Variants in PPP1R14D observed in about 807,000 individuals in gnomAD.
PPP1R14D encodes protein phosphatase 1 regulatory subunit 14D.
A neutral mutation model predicts 17.1 loss-of-function variants in PPP1R14D; 14 were observed. The observed-to-expected ratio is 0.82, with a 90% CI of 0.54 to 1.28. The LOEUF (loss-of-function observed/expected upper bound fraction) is 1.28. PPP1R14D is among the 50% of genes most tolerant of loss of function. The probability of loss-of-function intolerance (pLI) is 0.00; values close to 1 mark genes in which losing one functional copy is unlikely to be tolerated. For synonymous variants in PPP1R14D, 67 were observed against 66.1 expected (o/e 1.01, Z -0.06); for missense variants, 173 against 179.2 (o/e 0.97, Z 0.20).
intron 1 of PPP1R14D, among the ~76,000 whole-genome samples, chr15:40,822,092 A>T (rs1410323006): frequency 6.6e-6 from 1 of 152,172 alleles, no homozygotes; most frequent in Non-Finnish European, 1.5e-5. Flanking sequence ...AGCCTGGGCA[A>T]CATGGCAGAC....
chr15:40,824,620 C>T (rs990686811), intron 1 of PPP1R14D, among the ~76,000 whole-genome samples: 10 of 152,162 alleles, frequency 6.6e-5, no homozygotes, highest in Admixed American at 6.6e-4. Flanking sequence ...TTGCCCCTCT[C>T]AGCCTCCCAA....
At chr15:40,824,024 G>A (rs1465550480) in intron 1 of PPP1R14D, among the ~76,000 whole-genome samples, 2 of 148,698 alleles carry the variant, frequency 1.3e-5, no homozygotes, top group Non-Finnish European at 3.0e-5. Flanking sequence ...GGACTACTAC[G>A]GCAACCTGGT....
chr15:40,828,547 G>A lies in PPP1R14D; in HGVS notation c.95C>T (p.Thr32Ile). The change falls in exon 1 of 4, where the codon ACA (threonine) becomes ATA (isoleucine). Residue 32 changes from threonine to isoleucine, a missense_variant. By Grantham distance (89) the Thr-to-Ile change is moderately conservative (BLOSUM62 -1). Coordinates refer to ENST00000299174, the MANE Select transcript of PPP1R14D (RefSeq NM_017726.8). ...CTTGGACTCTGAGTCTGTGGATGAT[G>A]TCCTTCTCCTCCCAGAAGCCCAGTG... ...KVHWASGRRR[T>I]SSTDSESKSH... 1.2e-5 allele frequency: 19 copies of A among 1,614,228 alleles called. No individual in the cohort carries two copies. Among genetic ancestry groups the A allele is most frequent in the Non-Finnish European group, 1.6e-5 (19 of 1,180,048 alleles).
Position 40,828,585 on chromosome 15 carries a change from T to G in PPP1R14D, c.57A>C (p.Pro19=). ...CTSPSPDGEN[P]CKKVHWASGR... ...CAGAAGCCCAGTGGACCTTCTTACA[T>G]GGGTTCTCCCCATCTGGGCTGGGAG... is the stretch of plus-strand genomic sequence containing the variant. The change falls in exon 1 of 4, where the codon CCA becomes CCC. Residue 19 remains proline (P), a synonymous_variant. Transcript: ENST00000299174. 6.2e-7 allele frequency: 1 copy of G among 1,614,138 alleles called. No individual in the cohort carries two copies. The highest frequency in any genetic ancestry group is 8.5e-7 in the Non-Finnish European group (1 of 1,179,994).
At chr15:40,817,040 C>T (rs987970458) in intron 1 of PPP1R14D, among the ~76,000 whole-genome samples, 2 of 151,874 alleles carry the variant, frequency 1.3e-5, no homozygotes, top group Non-Finnish European at 2.9e-5. Context: ...CACTGCACTC[C>T]AGCCCGTCTG....
At chr15:40,815,872 C>G in intron 3 of PPP1R14D, 90 bp downstream of exon 3, 4 of 1,561,988 alleles carry the variant, frequency 2.6e-6, no homozygotes, top group Non-Finnish European at 3.5e-6. Context: ...GAAGGACCCA[C>G]AGCCAAGCCT....
At chr15:40,827,246 C>T (rs1016556284) in intron 1 of PPP1R14D, among the ~76,000 whole-genome samples, 6 of 152,156 alleles carry the variant, frequency 3.9e-5, no homozygotes, top group Non-Finnish European at 8.8e-5. Flanking sequence ...CGGTGGCTCA[C>T]GCCTGTAATC....
intron 1 of PPP1R14D, among the ~76,000 whole-genome samples, chr15:40,828,071 A>C (rs749520819): frequency 2.6e-5 from 4 of 152,222 alleles, no homozygotes; most frequent in Non-Finnish European, 5.9e-5. Flanking sequence ...AGTGTGACCA[A>C]GCATTTTCCC....
intron 1 of PPP1R14D, among the ~76,000 whole-genome samples, chr15:40,827,123 G>A (rs1342661268): frequency 6.6e-6 from 1 of 152,180 alleles, no homozygotes; most frequent in Non-Finnish European, 1.5e-5. Context: ...TTCTAGTCCC[G>A]CACTGTCCAT....
chr15:40,817,191 T>C, intron 1 of PPP1R14D: 1 of 266,890 alleles, frequency 3.7e-6, no homozygotes, highest in South Asian at 2.9e-5. Flanking sequence ...ACCCCGTCTC[T>C]ACTGAATATA....
chr15:40,827,797 G>A (rs1046261138), intron 1 of PPP1R14D, among the ~76,000 whole-genome samples: 3 of 151,812 alleles, frequency 2.0e-5, no homozygotes, highest in South Asian at 2.1e-4. Context: ...GTGGTGGTGC[G>A]CACCTGTAGT....
intron 1 of PPP1R14D, among the ~76,000 whole-genome samples, chr15:40,818,378 A>G (rs1312052215): frequency 1.3e-5 from 2 of 152,140 alleles, no homozygotes; most frequent in Admixed American, 6.6e-5. Flanking sequence ...GAAGCAACTA[A>G]GATAGTCTTC....
At chr15:40,828,333 C>T (rs1566844883) in intron 1 of PPP1R14D, 54 bp downstream of exon 1, 3 of 1,525,712 alleles carry the variant, frequency 2.0e-6, no homozygotes, top group Middle Eastern at 1.8e-4. Context: ...GGTCTCAGTG[C>T]CCTGGGTGGA....
intron 1 of PPP1R14D, among the ~76,000 whole-genome samples, chr15:40,825,121 TAA>T (rs1238753293): frequency 9.9e-5 from 15 of 151,718 alleles, no homozygotes; most frequent in Admixed American, 9.9e-4. Context: ...TCATCTCTAC[TAA>T]AAATACAAAA....
At chr15:40,817,689 A>G (rs1479363216) in intron 1 of PPP1R14D, among the ~76,000 whole-genome samples, 6 of 148,046 alleles carry the variant, frequency 4.1e-5, no homozygotes, top group African/African-American at 1.0e-4. Flanking sequence ...ATCAAGGCTC[A>G]CTGCAGTCTT....
At chr15:40,820,236 G>T (rs1016126284) in intron 1 of PPP1R14D, among the ~76,000 whole-genome samples, 2 of 148,636 alleles carry the variant, frequency 1.3e-5, no homozygotes, top group Non-Finnish European at 3.0e-5. Flanking sequence ...TCGGCTTACT[G>T]CAACCTCTGC....
chr15:40,816,205 C>A lies in PPP1R14D; in HGVS notation c.304G>T (p.Asp102Tyr), dbSNP rs370642954. 4 of 1,614,016 alleles carry A rather than the reference C, an allele frequency of 2.5e-6. No homozygotes were observed. The African/African-American group carries it at 5.3e-5, about 22-fold the overall frequency. The change falls in exon 2 of 4, where the codon GAT (aspartate) becomes TAT (tyrosine). Residue 102 changes from aspartate (D) to tyrosine (Y), a missense_variant. Asp to Tyr is a radical substitution (Grantham distance 160). Coordinates refer to ENST00000299174, the MANE Select transcript of PPP1R14D (RefSeq NM_017726.8). ...EPEIDLEALM[D>Y]LSTEEQKTQL... ...GTCTTCTGCTCCTCTGTGGATAGATCCATGAGAGCTTCCAGGTCAATCTCA... is the reference window on the plus strand; with the variant it reads ...GTCTTCTGCTCCTCTGTGGATAGATACATGAGAGCTTCCAGGTCAATCTCA...
chr15:40,818,384 T>G (rs1389312711), intron 1 of PPP1R14D, among the ~76,000 whole-genome samples: 1 of 150,994 alleles, frequency 6.6e-6, no homozygotes, highest in Non-Finnish European at 1.5e-5. Context: ...ACTAAGATAG[T>G]CTTCAGTAGG....
intron 1 of PPP1R14D, 122 bp from the exon 2 acceptor site, chr15:40,816,375 G>C: frequency 2.6e-6 from 2 of 774,502 alleles, no homozygotes; most frequent in South Asian, 3.1e-5. Flanking sequence ...TCCTCACTCA[G>C]AACACCCATT....
Sources: allele counts gnomAD v4.1 joint callset (sites outside exome capture counted in the v4.1 genomes callset), GRCh38; gene constraint gnomAD v4.1.1; transcripts MANE v1.5; gene names NCBI Gene and HGNC (gene_info 2026-07-23, HGNC 2026-07-21).